The following PSPH variants were observed in gnomAD, a reference collection of about 807,000 sequenced individuals.
PSPH encodes phosphoserine phosphatase.
In PSPH, 16 loss-of-function variants were observed where a neutral mutation model predicts 23.4. The observed-to-expected ratio is 0.68, with a 90% CI of 0.46 to 1.04. The LOEUF is 1.04. Ranked by LOEUF, PSPH falls within the 50% of genes least tolerant of loss-of-function variation. The pLI is 0.00. For missense variants in PSPH, 223 were observed against 273.7 expected (o/e 0.81, Z 1.31); for synonymous variants, 68 against 99.7 (o/e 0.68, Z 1.89).
Position 56,039,505 on chromosome 7 carries a change from C to T in PSPH, c.-291-5399G>A, listed in dbSNP as rs997712316. Among the ~76,000 whole-genome samples, 6 of 151,976 alleles carry T rather than the reference C, an allele frequency of 3.9e-5. No individual in the cohort carries two copies. The East Asian group carries it at 5.8e-4, about 15-fold the overall frequency. Reference sequence around the variant, plus strand: ...ATACCAATACATTGCTGGCCGGGCACGGTGGCTCACACCTGTAATCCCAGC... The same window carrying T: ...ATACCAATACATTGCTGGCCGGGCATGGTGGCTCACACCTGTAATCCCAGC... On this transcript the variant is annotated intron_variant, in intron 1 of 7. Transcript: ENST00000275605.
intron 1 of PSPH, among the ~76,000 whole-genome samples, chr7:56,047,694 C>T (rs1793439631): frequency 6.8e-6 from 1 of 148,130 alleles, no homozygotes. Context: ...TTGATAAGAG[C>T]CTCGCTCTGT....
chr7:56,024,708 A>G (rs954668678), intron 3 of PSPH, among the ~76,000 whole-genome samples: 2 of 151,950 alleles, frequency 1.3e-5, no homozygotes, highest in Non-Finnish European at 2.9e-5. Flanking sequence ...TGACCATGAC[A>G]CTGCACTGCA....
At chr7:56,040,108 A>T (rs1792313219) in intron 1 of PSPH, among the ~76,000 whole-genome samples, 1 of 151,994 alleles carries the variant, frequency 6.6e-6, no homozygotes, top group Non-Finnish European at 1.5e-5. Flanking sequence ...AAAAAAAAAA[A>T]ATACCAATAC....
At chr7:56,013,192 C>T (rs35972367) in intron 7 of PSPH, among the ~76,000 whole-genome samples, 8,194 of 137,848 alleles carry the variant, frequency 0.059, 300 homozygotes, top group Admixed American at 0.084. Flanking sequence ...CACACACACA[C>T]ATATATATAG....
At position 56,044,799 on chromosome 7, in the gene PSPH, GA is replaced by G. The variant is rs540322294; in HGVS notation, c.-292+6338del. 2.0e-5 allele frequency among the ~76,000 whole-genome samples: 3 copies of G among 150,068 alleles called. No homozygotes were observed. The Admixed American group carries it at 2.0e-4, about 10-fold the overall frequency. ...TAGCCTAGGTGACACAGTGAGACTGGAAAAAAAAAGGGCCAGGTGTGGTGGC... is the reference window on the plus strand; with the variant it reads ...TAGCCTAGGTGACACAGTGAGACTGGAAAAAAAAGGGCCAGGTGTGGTGGC... On this transcript the variant is annotated intron_variant, in intron 1 of 7. Transcript: ENST00000275605.
At chr7:56,038,472 C>CA (rs1266992026) in intron 1 of PSPH, among the ~76,000 whole-genome samples, 1 of 150,960 alleles carries the variant, frequency 6.6e-6, no homozygotes, top group Non-Finnish European at 1.5e-5. Flanking sequence ...AACAAACAGA[C>CA]AAAAAACACT....
intron 1 of PSPH, among the ~76,000 whole-genome samples, chr7:56,044,505 G>A (rs1792971794): frequency 6.6e-6 from 1 of 152,126 alleles, no homozygotes; most frequent in Non-Finnish European, 1.5e-5. Flanking sequence ...TTTGCAGGCT[G>A]TTTCATCTAT....
At chr7:56,019,515 T>C (rs1789022970) in intron 5 of PSPH, 85 bp downstream of exon 5, 1 of 1,559,870 alleles carries the variant, frequency 6.4e-7, no homozygotes, top group Non-Finnish European at 8.8e-7. Context: ...CAGAGGGCAC[T>C]CTAAAGGAAT....
chr7:56,047,669 CTTT>C (rs1197894960), intron 1 of PSPH, among the ~76,000 whole-genome samples: 1 of 138,468 alleles, frequency 7.2e-6, no homozygotes. Context: ...GAATAACCTG[CTTT>C]TTTTTTTTTT....
intron 3 of PSPH, among the ~76,000 whole-genome samples, chr7:56,030,964 C>T (rs1320412553): frequency 6.6e-6 from 1 of 151,774 alleles, no homozygotes; most frequent in Admixed American, 6.6e-5. Context: ...GTAATCCCAG[C>T]ACTTTGGGAG....
chr7:56,017,842 C>T (rs937132921), intron 5 of PSPH, among the ~76,000 whole-genome samples: 1 of 151,562 alleles, frequency 6.6e-6, no homozygotes, highest in East Asian at 2.0e-4. Flanking sequence ...CTTGTGTCAG[C>T]CTCCCGAGTA....
chr7:56,026,705 A>G (rs1790237283), intron 3 of PSPH, among the ~76,000 whole-genome samples: 1 of 152,052 alleles, frequency 6.6e-6, no homozygotes, highest in African/African-American at 2.4e-5. Flanking sequence ...AAATCAAGCT[A>G]ATTCATACTA....
At chr7:56,036,916 G>A (rs1223575289) in intron 1 of PSPH, among the ~76,000 whole-genome samples, 1 of 150,720 alleles carries the variant, frequency 6.6e-6, no homozygotes, top group Non-Finnish European at 1.5e-5. Context: ...GCTCATGCCT[G>A]TAATCCCAGC....
At chr7:56,031,705 C>T (rs763000615) in intron 3 of PSPH, among the ~76,000 whole-genome samples, 3 of 152,030 alleles carry the variant, frequency 2.0e-5, no homozygotes, top group Non-Finnish European at 4.4e-5. Flanking sequence ...CCCAACTACT[C>T]AGGAGGCTGA....
intron 1 of PSPH, among the ~76,000 whole-genome samples, chr7:56,042,112 A>G (rs1324785247): frequency 6.6e-6 from 1 of 151,444 alleles, no homozygotes; most frequent in Non-Finnish European, 1.5e-5. Flanking sequence ...AATCCCAGCT[A>G]CTTGGGAGGC....
chr7:56,041,586 T>C (rs1792545971), intron 1 of PSPH, among the ~76,000 whole-genome samples: 1 of 151,934 alleles, frequency 6.6e-6, no homozygotes, highest in Non-Finnish European at 1.5e-5. Flanking sequence ...ATGTGACCGG[T>C]GTCCTTGTAA....
chr7:56,022,589 G>A (rs1009346289), intron 3 of PSPH, among the ~76,000 whole-genome samples: 1 of 152,166 alleles, frequency 6.6e-6, no homozygotes. Flanking sequence ...GCCTGGCTGT[G>A]CATCAGGAAT....
intron 5 of PSPH, among the ~76,000 whole-genome samples, chr7:56,018,420 C>T (rs1450924599): frequency 2.0e-5 from 3 of 152,018 alleles, no homozygotes; most frequent in African/African-American, 7.2e-5. Context: ...CTCTACTCTG[C>T]CCATGGACCC....
chr7:56,036,737 T>C (rs1791778499), intron 1 of PSPH, among the ~76,000 whole-genome samples: 1 of 152,186 alleles, frequency 6.6e-6, no homozygotes, highest in Non-Finnish European at 1.5e-5. Context: ...ATGGCTGTAT[T>C]GTAGACATTG....
Sources: gnomAD v4.1 joint callset for allele counts (sites outside exome capture counted in the v4.1 genomes callset) on GRCh38, gnomAD v4.1.1 for gene constraint, MANE v1.5 for transcripts, NCBI Gene and HGNC (gene_info 2026-07-23, HGNC 2026-07-21) for gene names.